The following CCBE1 variants were observed in gnomAD, a reference collection of about 807,000 sequenced individuals.
CCBE1 encodes collagen and calcium-binding EGF domain-containing protein 1.
CCBE1 carries 37 observed loss-of-function variants against 50.0 expected under a neutral mutation model. That is an observed-to-expected ratio of 0.74 (90% CI 0.57 to 0.97). CCBE1 has a LOEUF of 0.97. Ranked by LOEUF, CCBE1 falls within the 50% of genes least tolerant of loss-of-function variation. The pLI, the probability that CCBE1 is intolerant of heterozygous loss-of-function variation, is 0.00. For synonymous variants in CCBE1, 234 were observed against 203.7 expected (o/e 1.15, Z -1.27); for missense variants, 538 against 523.8 (o/e 1.03, Z -0.26).
intron 2 of CCBE1, among the ~76,000 whole-genome samples, chr18:59,537,534 C>T (rs2144370709): frequency 6.6e-6 from 1 of 152,278 alleles, no homozygotes; most frequent in African/African-American, 2.4e-5. Context: ...GTAAGATGTG[C>T]CTTTTGCCTT....
chr18:59,692,954 AAG>A (rs1491300635), intron 2 of CCBE1, among the ~76,000 whole-genome samples: 921 of 52,992 alleles, frequency 0.017, 17 homozygotes, highest in African/African-American at 0.066. Context: ...TGTCAAGCCA[AAG>A]CACACACACA....
intron 2 of CCBE1, among the ~76,000 whole-genome samples, chr18:59,556,315 T>C (rs998162823): frequency 6.6e-6 from 1 of 152,188 alleles, no homozygotes; most frequent in Non-Finnish European, 1.5e-5. Flanking sequence ...AGCTGTGTTT[T>C]GTCTTCCAGG....
At chr18:59,639,328 AG>A (rs2053954615) in intron 2 of CCBE1, among the ~76,000 whole-genome samples, 1 of 152,248 alleles carries the variant, frequency 6.6e-6, no homozygotes, top group Non-Finnish European at 1.5e-5. Flanking sequence ...CTAGGATGCA[AG>A]GATGATTCAA....
intron 2 of CCBE1, among the ~76,000 whole-genome samples, chr18:59,510,962 G>T (rs1430243050): frequency 1.3e-5 from 2 of 152,132 alleles, no homozygotes; most frequent in Non-Finnish European, 2.9e-5. Context: ...AGCATCGGTG[G>T]TGAGAGCTAC....
At chr18:59,551,026 A>AAAAAAAAAAAAC (rs1568201664) in intron 2 of CCBE1, among the ~76,000 whole-genome samples, 1 of 117,722 alleles carries the variant, frequency 8.5e-6, no homozygotes, top group African/African-American at 3.5e-5. Flanking sequence ...AAAAAAAAAA[A>AAAAAAAAAAAAC]AAAGAAAAGA....
In CCBE1 at chr18:59,670,975, C is replaced by T. The variant is rs528268072; in HGVS notation, c.212+25654G>A. Reference sequence around the variant, plus strand: ...AAAATAATAATTTTCAATCCTATCACTCCATCGTACAAGGCATTTTAGAAG... The same window carrying T: ...AAAATAATAATTTTCAATCCTATCATTCCATCGTACAAGGCATTTTAGAAG... On this transcript the variant is annotated intron_variant, in intron 2 of 10. Coordinates refer to ENST00000439986, the MANE Select transcript of CCBE1 (RefSeq NM_133459.4). Among the ~76,000 whole-genome samples the T allele has an allele frequency of 3.3e-5, 5 of 152,310 alleles. No homozygotes were observed. The South Asian group carries it at 1.0e-3, about 32-fold the overall frequency.
intron 2 of CCBE1, among the ~76,000 whole-genome samples, chr18:59,627,261 A>G (rs1247929777): frequency 6.6e-6 from 1 of 152,266 alleles, no homozygotes; most frequent in African/African-American, 2.4e-5. Context: ...CTCATTTGAA[A>G]TGTCAAAAAT....
chr18:59,471,896 C>T (rs1228936606), intron 3 of CCBE1, among the ~76,000 whole-genome samples: 1 of 152,200 alleles, frequency 6.6e-6, no homozygotes, highest in Non-Finnish European at 1.5e-5. Flanking sequence ...AGCTGCAAGC[C>T]GGGCATGGTG....
At chr18:59,598,755 G>A (rs2053390141) in intron 2 of CCBE1, among the ~76,000 whole-genome samples, 1 of 152,190 alleles carries the variant, frequency 6.6e-6, no homozygotes. Context: ...GTTCTCAGAT[G>A]GGCATATGTC....
chr18:59,680,912 T>C (rs963081728), intron 2 of CCBE1, among the ~76,000 whole-genome samples: 1 of 152,098 alleles, frequency 6.6e-6, no homozygotes, highest in Non-Finnish European at 1.5e-5. Context: ...GTTGATCTCA[T>C]GCTAAACTCA....
intron 2 of CCBE1, among the ~76,000 whole-genome samples, chr18:59,582,299 G>C (rs898940879): frequency 1.3e-4 from 20 of 152,162 alleles, no homozygotes; most frequent in African/African-American, 4.3e-4. Flanking sequence ...AGAGAAAACT[G>C]CATGGTGACC....
At chr18:59,483,847 C>T (rs1032002398) in intron 2 of CCBE1, among the ~76,000 whole-genome samples, 3 of 152,136 alleles carry the variant, frequency 2.0e-5, no homozygotes, top group African/African-American at 7.2e-5. Flanking sequence ...TTGAGTGATA[C>T]AGCTAAGGTC....
intron 2 of CCBE1, among the ~76,000 whole-genome samples, chr18:59,488,549 C>G (rs1262022555): frequency 3.9e-5 from 6 of 152,112 alleles, no homozygotes; most frequent in Non-Finnish European, 8.8e-5. Flanking sequence ...TCCAACAAGG[C>G]CGCAAGCGAT....
chr18:59,607,441 C>T lies in CCBE1; in HGVS notation c.212+89188G>A, dbSNP rs1164284773. On this transcript the variant is annotated intron_variant, in intron 2 of 10. Transcript: ENST00000439986. Reference sequence around the variant, plus strand: ...TTGCAGAATCATTCCAAATTTCAAACAACAGACATATAATGAACTATGGGG... The same window carrying T: ...TTGCAGAATCATTCCAAATTTCAAATAACAGACATATAATGAACTATGGGG... Among the ~76,000 whole-genome samples the T allele has an allele frequency of 2.0e-5, 3 of 152,132 alleles. No homozygotes were observed. In the East Asian group the frequency reaches 5.8e-4, roughly 29 times the overall value.
chr18:59,646,271 G>T (rs1420672123), intron 2 of CCBE1, among the ~76,000 whole-genome samples: 1 of 152,150 alleles, frequency 6.6e-6, no homozygotes, highest in African/African-American at 2.4e-5. Flanking sequence ...GAATTTGTTG[G>T]GACCCAGCAA....
intron 2 of CCBE1, among the ~76,000 whole-genome samples, chr18:59,561,309 G>A (rs1364533953): frequency 6.6e-6 from 1 of 152,146 alleles, no homozygotes; most frequent in Non-Finnish European, 1.5e-5. Context: ...GTATGTATTG[G>A]GCCTGCATGC....
At chr18:59,530,825 A>G (rs529184744) in intron 2 of CCBE1, among the ~76,000 whole-genome samples, 1 of 152,358 alleles carries the variant, frequency 6.6e-6, no homozygotes, top group African/African-American at 2.4e-5. Flanking sequence ...TAGTTTTCTT[A>G]AATATCTTAT....
At chr18:59,595,408 GA>G (rs376018429) in intron 2 of CCBE1, among the ~76,000 whole-genome samples, 82 of 152,126 alleles carry the variant, frequency 5.4e-4, no homozygotes, top group Middle Eastern at 3.4e-3. Context: ...CCTCATCTGA[GA>G]AATGGAAATA....
intron 7 of CCBE1, among the ~76,000 whole-genome samples, chr18:59,447,655 T>C (rs1378258152): frequency 6.6e-6 from 1 of 152,192 alleles, no homozygotes; most frequent in African/African-American, 2.4e-5. Context: ...TACTGTTCCA[T>C]TTTTGTATAT....
Sources: allele counts gnomAD v4.1 joint callset (sites outside exome capture counted in the v4.1 genomes callset), GRCh38; gene constraint gnomAD v4.1.1; transcripts MANE v1.5; gene names NCBI Gene and HGNC (gene_info 2026-07-23, HGNC 2026-07-21).